The following NR2F1-AS1 variants were observed in gnomAD, a reference collection of about 807,000 sequenced individuals.
NR2F1-AS1 encodes the protein NR2F1 regulatory antisense RNA 1.
exon 1 of NR2F1-AS1, chr5:93,580,736 C>A (rs967428126): frequency 1.3e-5 from 2 of 152,368 alleles, no homozygotes; most frequent in African/African-American, 2.4e-5. Context: ...GAAAGGTTTT[C>A]TTTTCTTTCT....
intron 4 of NR2F1-AS1, among the ~76,000 whole-genome samples, chr5:93,519,276 C>T (rs1358838215): frequency 1.3e-5 from 2 of 152,060 alleles, no homozygotes; most frequent in Non-Finnish European, 2.9e-5. Context: ...TTACATCTCA[C>T]ATTCATTCCA....
intron 4 of NR2F1-AS1, among the ~76,000 whole-genome samples, chr5:93,443,084 T>C (rs1749611166): frequency 6.6e-6 from 1 of 152,090 alleles, no homozygotes; most frequent in Non-Finnish European, 1.5e-5. Flanking sequence ...ACCACAAAGA[T>C]GAGGAGAAAC....
At chr5:93,449,734 A>T (rs539201030) in intron 4 of NR2F1-AS1, among the ~76,000 whole-genome samples, 1 of 152,318 alleles carries the variant, frequency 6.6e-6, no homozygotes, top group African/African-American at 2.4e-5. Flanking sequence ...AGCAGAGTAA[A>T]CACAAGTTAA....
At chr5:93,438,453 C>T (rs1749490272) in intron 4 of NR2F1-AS1, among the ~76,000 whole-genome samples, 1 of 152,196 alleles carries the variant, frequency 6.6e-6, no homozygotes, top group Non-Finnish European at 1.5e-5. Flanking sequence ...CAGTCAACTG[C>T]CAAGTCCTAG....
intron 4 of NR2F1-AS1, among the ~76,000 whole-genome samples, chr5:93,512,241 T>C (rs1201697639): frequency 6.6e-6 from 1 of 152,072 alleles, no homozygotes; most frequent in African/African-American, 2.4e-5. Context: ...CTAATGTGTA[T>C]TTGTATCTTA....
At chr5:93,581,666 CGG>C (rs140753619), upstream of NR2F1-AS1, among the ~76,000 whole-genome samples, 1,180 of 130,732 alleles carry the variant, frequency 9.0e-3, 17 homozygotes, top group African/African-American at 0.019. Context: ...ATCGGGGTCT[CGG>C]TCTCTCTCTC....
chr5:93,512,809 G>T (rs1342123176), intron 4 of NR2F1-AS1, among the ~76,000 whole-genome samples: 2 of 152,184 alleles, frequency 1.3e-5, no homozygotes, highest in African/African-American at 4.8e-5. Context: ...CAGGTTTGTA[G>T]TCTAGGAGCA....
chr5:93,563,504 C>T (rs1246403055), intron 1 of NR2F1-AS1: 1 of 152,136 alleles, frequency 6.6e-6, no homozygotes, highest in Non-Finnish European at 1.5e-5. Context: ...TAAAAAATTC[C>T]TTATATTACA....
intron 1 of NR2F1-AS1, among the ~76,000 whole-genome samples, chr5:93,577,926 A>T (rs1481411132): frequency 6.6e-6 from 1 of 152,198 alleles, no homozygotes; most frequent in Non-Finnish European, 1.5e-5. Flanking sequence ...TCCTACACAT[A>T]TCTGATCATT....
At chr5:93,571,622 A>G (rs981369563) in intron 1 of NR2F1-AS1, among the ~76,000 whole-genome samples, 2 of 151,990 alleles carry the variant, frequency 1.3e-5, no homozygotes, top group African/African-American at 2.4e-5. Flanking sequence ...CATCCTTGTT[A>G]TGTGAGCTCA....
intron 4 of NR2F1-AS1, among the ~76,000 whole-genome samples, chr5:93,425,221 T>A (rs1333208914): frequency 1.3e-5 from 2 of 152,164 alleles, no homozygotes; most frequent in Non-Finnish European, 2.9e-5. Flanking sequence ...GTGTTTGTGA[T>A]CAAATGGTGG....
At chr5:93,571,449 A>G (rs184035417) in intron 1 of NR2F1-AS1, 24 of 149,466 alleles carry the variant, frequency 1.6e-4, no homozygotes, top group African/African-American at 5.2e-4. Flanking sequence ...GAAGAACGAC[A>G]CTAGATGAGA....
chr5:93,503,022 A>C (rs1751116135), intron 4 of NR2F1-AS1, among the ~76,000 whole-genome samples: 1 of 152,202 alleles, frequency 6.6e-6, no homozygotes, highest in Non-Finnish European at 1.5e-5. Flanking sequence ...CAAAGTGAGA[A>C]GGATAGAAAC....
intron 4 of NR2F1-AS1, among the ~76,000 whole-genome samples, chr5:93,552,267 G>T (rs543491061): frequency 7.2e-5 from 11 of 152,288 alleles, no homozygotes; most frequent in African/African-American, 2.6e-4. Flanking sequence ...ACTTCAAAGT[G>T]TTCACCAAGC....
chr5:93,516,540 T>C (rs1751404448), intron 4 of NR2F1-AS1, among the ~76,000 whole-genome samples: 1 of 151,920 alleles, frequency 6.6e-6, no homozygotes, highest in African/African-American at 2.4e-5. Flanking sequence ...TAAATTCTCA[T>C]TTAAGCTACA....
intron 4 of NR2F1-AS1, among the ~76,000 whole-genome samples, chr5:93,519,811 T>C (rs538389865): frequency 3.3e-5 from 5 of 152,074 alleles, no homozygotes; most frequent in African/African-American, 7.2e-5. Context: ...AACATAACAC[T>C]TAAAATACAA....
intron 4 of NR2F1-AS1, among the ~76,000 whole-genome samples, chr5:93,551,871 T>C (rs1232343076): frequency 1.3e-5 from 2 of 152,124 alleles, no homozygotes; most frequent in African/African-American, 4.8e-5. Context: ...ACATTATACA[T>C]TGACTCCAAG....
chr5:93,429,593 A>G (rs548146208), intron 4 of NR2F1-AS1, among the ~76,000 whole-genome samples: 252 of 152,340 alleles, frequency 1.7e-3, no homozygotes, highest in Non-Finnish European at 2.7e-3. Flanking sequence ...GCTCTTTTGC[A>G]TCTTCTTACA....
chr5:93,553,002 C>A (rs1752268304), intron 4 of NR2F1-AS1, among the ~76,000 whole-genome samples: 1 of 152,064 alleles, frequency 6.6e-6, no homozygotes, highest in Admixed American at 6.6e-5. Flanking sequence ...AGAAGTCAAG[C>A]ACTATGTCTC....
Sources: gnomAD v4.1 joint callset for allele counts (sites outside exome capture counted in the v4.1 genomes callset) on GRCh38, gnomAD v4.1.1 for gene constraint, MANE v1.5 for transcripts, NCBI Gene and HGNC (gene_info 2026-07-23, HGNC 2026-07-21) for gene names.